TBC1D15: variants seen among roughly 807,000 people sequenced by gnomAD.
TBC1D15 encodes the protein GAP for RAB7.
Under a neutral mutation model 95.4 loss-of-function variants are expected in TBC1D15, and 39 were observed. That is an observed-to-expected ratio of 0.41 (90% CI 0.32 to 0.53). The LOEUF (loss-of-function observed/expected upper bound fraction) is 0.53, where lower values mean the gene tolerates loss of function less well. TBC1D15 is among the 20% of genes least tolerant of loss of function. TBC1D15 has a pLI of 0.29. For synonymous variants in TBC1D15, 258 were observed against 261.3 expected (o/e 0.99, Z 0.12); for missense variants, 733 against 794.3 (o/e 0.92, Z 0.93).
At chr12:71,869,104 G>C (rs1009298326) in intron 1 of TBC1D15, among the ~76,000 whole-genome samples, 1 of 152,114 alleles carries the variant, frequency 6.6e-6, no homozygotes, top group Admixed American at 6.5e-5. Flanking sequence ...TTACTTTTTT[G>C]TGACAACAGC....
intron 1 of TBC1D15, among the ~76,000 whole-genome samples, chr12:71,871,438 A>G (rs1892656871): frequency 1.3e-5 from 2 of 152,214 alleles, no homozygotes; most frequent in Admixed American, 1.3e-4. Flanking sequence ...AAATGATCTT[A>G]CAGTAAAAAT....
At chr12:71,847,578 C>G (rs1886628714) in intron 1 of TBC1D15, among the ~76,000 whole-genome samples, 1 of 151,810 alleles carries the variant, frequency 6.6e-6, no homozygotes, top group Non-Finnish European at 1.5e-5. Context: ...GCCTGTAATT[C>G]CAGCTACTCG....
intron 12 of TBC1D15, among the ~76,000 whole-genome samples, chr12:71,917,280 T>G (rs1402101674): frequency 2.6e-5 from 4 of 152,208 alleles, no homozygotes; most frequent in African/African-American, 4.8e-5. Flanking sequence ...AGTAATTCTT[T>G]AAAATGAAAT....
chr12:71,867,117 G>C (rs994304465), intron 1 of TBC1D15, among the ~76,000 whole-genome samples: 3 of 152,202 alleles, frequency 2.0e-5, no homozygotes, highest in Non-Finnish European at 2.9e-5. Context: ...GAGTTCAGAT[G>C]AGAGTAAGGG....
intron 3 of TBC1D15, among the ~76,000 whole-genome samples, chr12:71,875,492 G>C (rs982606349): frequency 6.6e-6 from 1 of 151,704 alleles, no homozygotes; most frequent in Non-Finnish European, 1.5e-5. Flanking sequence ...CTGTTCTTCT[G>C]AGTTTTATAG....
chr12:71,913,517 TTCTC>T (rs1902934904), intron 11 of TBC1D15: 2 of 235,746 alleles, frequency 8.5e-6, no homozygotes, highest in Non-Finnish European at 1.6e-5. Flanking sequence ...CCCCTCTTCT[TTCTC>T]ATGATGCTCT....
At chr12:71,886,057 T>C (rs1896159805) in intron 5 of TBC1D15, among the ~76,000 whole-genome samples, 1 of 152,166 alleles carries the variant, frequency 6.6e-6, no homozygotes, top group Non-Finnish European at 1.5e-5. Flanking sequence ...TGGCCTGAAC[T>C]GGGATAGTGA....
chr12:71,905,095 A>G (rs376200328), intron 10 of TBC1D15, among the ~76,000 whole-genome samples: 35 of 152,158 alleles, frequency 2.3e-4, no homozygotes, highest in East Asian at 9.6e-4. Flanking sequence ...ACATTTTTAT[A>G]TATTACTTTT....
intron 1 of TBC1D15, among the ~76,000 whole-genome samples, chr12:71,853,313 G>A (rs1159559537): frequency 6.6e-6 from 1 of 152,108 alleles, no homozygotes; most frequent in African/African-American, 2.4e-5. Flanking sequence ...CTGAGAAACT[G>A]CCCCCATAAT....
intron 11 of TBC1D15, among the ~76,000 whole-genome samples, chr12:71,911,427 G>A (rs1037794866): frequency 2.6e-5 from 4 of 151,264 alleles, no homozygotes; most frequent in African/African-American, 7.3e-5. Context: ...TATACACCAT[G>A]GAATACTATG....
At chr12:71,896,173 T>A in intron 8 of TBC1D15, 98 bp downstream of exon 8, 1 of 1,209,234 alleles carries the variant, frequency 8.3e-7, no homozygotes, top group Non-Finnish European at 1.1e-6. Flanking sequence ...TTTTTGTTGT[T>A]GGTTTTTTTT....
rs551630769 is a variant in TBC1D15, at chr12:71,902,909, A to T, written c.1184-4113A>T. ...AACCCCATTAAAAAATGGGCAAAGG[A>T]CATGAGCAGACTTTTTTTTTTGAGA... is the stretch of plus-strand genomic sequence containing the variant. On this transcript the variant is annotated intron_variant, in intron 10 of 16. Transcript: ENST00000485960. Among the ~76,000 whole-genome samples the T allele has an allele frequency of 1.2e-4, 18 of 150,992 alleles. No homozygotes were observed. In the East Asian group the frequency reaches 3.5e-3, roughly 29 times the overall value.
intron 1 of TBC1D15, among the ~76,000 whole-genome samples, chr12:71,859,762 C>T (rs1429576684): frequency 6.6e-6 from 1 of 152,110 alleles, no homozygotes; most frequent in Non-Finnish European, 1.5e-5. Flanking sequence ...CACCTACCAC[C>T]ATGCCCAGCT....
chr12:71,919,577 G>T (rs1230730086), intron 14 of TBC1D15, among the ~76,000 whole-genome samples: 5 of 152,050 alleles, frequency 3.3e-5, no homozygotes, highest in Admixed American at 1.3e-4. Flanking sequence ...GTTAAAAGTG[G>T]ATTACTTTAT....
Position 71,850,602 on chromosome 12 carries a change from G to GGTCTAGCTGTGTTGCCGAGGC in TBC1D15, c.30+10792_30+10812dup, listed in dbSNP as rs1343672438. The stretch of plus-strand genomic sequence containing the variant: ...TATTTTTTTTGTTTTGTGGACGTGG[G>GGTCTAGCTGTGTTGCCGAGGC]GTCTAGCTGTGTTGCCGAGGCTGGT... On this transcript the variant is annotated intron_variant, in intron 1 of 16. Transcript: ENST00000485960. Among the ~76,000 whole-genome samples the GGTCTAGCTGTGTTGCCGAGGC allele has an allele frequency of 2.6e-5, 4 of 151,912 alleles. No individual in the cohort carries two copies. The East Asian group carries it at 7.7e-4, about 29-fold the overall frequency.
intron 3 of TBC1D15, among the ~76,000 whole-genome samples, chr12:71,873,443 A>G (rs1893113566): frequency 6.6e-6 from 1 of 152,142 alleles, no homozygotes; most frequent in Non-Finnish European, 1.5e-5. Context: ...GTTTTGTCTA[A>G]TAGTGTATAT....
At chr12:71,877,239 G>T (rs1894069859) in intron 3 of TBC1D15, among the ~76,000 whole-genome samples, 2 of 146,918 alleles carry the variant, frequency 1.4e-5, no homozygotes, top group African/African-American at 5.0e-5. Context: ...CTCTCTAGAA[G>T]CTTTTAATTA....
chr12:71,891,990 G>A (rs1475064735), intron 5 of TBC1D15, among the ~76,000 whole-genome samples: 1 of 152,080 alleles, frequency 6.6e-6, no homozygotes, highest in Non-Finnish European at 1.5e-5. Context: ...GCAGCACTGT[G>A]CTAGGAATAA....
intron 1 of TBC1D15, chr12:71,849,375 C>T: frequency 7.2e-7 from 1 of 1,385,176 alleles, no homozygotes; most frequent in Admixed American, 1.7e-5. Context: ...GGAATGAAAG[C>T]AGGCGCCTCC....
Sources: allele counts gnomAD v4.1 joint callset (sites outside exome capture counted in the v4.1 genomes callset), GRCh38; gene constraint gnomAD v4.1.1; transcripts MANE v1.5; gene names NCBI Gene and HGNC (gene_info 2026-07-23, HGNC 2026-07-21).